Variants in VPS13B observed in about 807,000 individuals in gnomAD.
The protein encoded by VPS13B is vacuolar protein sorting 13 homolog B, also known as intermembrane lipid transfer protein VPS13B.
A neutral mutation model predicts 426.4 loss-of-function variants in VPS13B; 285 were observed. The observed-to-expected ratio is 0.67, with a 90% CI of 0.61 to 0.74. The LOEUF (loss-of-function observed/expected upper bound fraction) is 0.74, where lower values mean the gene tolerates loss of function less well. Ranked by LOEUF, VPS13B falls within the 30% of genes least tolerant of loss-of-function variation. The pLI, the probability that VPS13B is intolerant of heterozygous loss-of-function variation, is 0.00. For missense variants in VPS13B, 4,537 were observed against 4,782.6 expected, an observed-to-expected ratio of 0.95 and a Z score of 1.51; for synonymous variants, 1,676 against 1,676.4, an observed-to-expected ratio of 1.00 and a Z score of 0.01.
At chr8:99,781,287 C>T (rs1251559613) in intron 42 of VPS13B, among the ~76,000 whole-genome samples, 4 of 152,052 alleles carry the variant, frequency 2.6e-5, no homozygotes, top group Admixed American at 1.3e-4. Context: ...TGTCACTTTC[C>T]CAGATTTGGA....
intron 5 of VPS13B, among the ~76,000 whole-genome samples, chr8:99,108,690 T>C (rs912994518): frequency 1.3e-5 from 2 of 152,168 alleles, no homozygotes; most frequent in African/African-American, 2.4e-5. Context: ...GCTTTTAGTA[T>C]ATTTTAAAGT....
intron 17 of VPS13B, among the ~76,000 whole-genome samples, chr8:99,228,741 A>G (rs1816157327): frequency 6.6e-6 from 1 of 152,178 alleles, no homozygotes; most frequent in South Asian, 2.1e-4. Flanking sequence ...AATGCGAAGA[A>G]GGTACAGATT....
chr8:99,643,595 G>T (rs1026581664), intron 34 of VPS13B, among the ~76,000 whole-genome samples: 3 of 152,188 alleles, frequency 2.0e-5, no homozygotes, highest in African/African-American at 7.2e-5. Flanking sequence ...CCCCCAGGCT[G>T]CTTGCTGGCC....
chr8:99,297,476 C>G (rs1180493561), intron 19 of VPS13B, among the ~76,000 whole-genome samples: 1 of 152,092 alleles, frequency 6.6e-6, no homozygotes, highest in Non-Finnish European at 1.5e-5. Context: ...TCAACTAGGT[C>G]TAAGGGTTTG....
intron 33 of VPS13B, among the ~76,000 whole-genome samples, chr8:99,623,863 C>T (rs1828472665): frequency 6.6e-6 from 1 of 151,936 alleles, no homozygotes; most frequent in Admixed American, 6.6e-5. Flanking sequence ...ATACTCTCCA[C>T]ATGCAGAGAT....
intron 19 of VPS13B, among the ~76,000 whole-genome samples, chr8:99,333,419 A>G (rs1810650914): frequency 1.3e-5 from 2 of 151,816 alleles, no homozygotes; most frequent in East Asian, 3.9e-4. Flanking sequence ...CCTTAATGAT[A>G]ACATCTTACA....
chr8:99,045,353 T>A (rs1236292693), intron 3 of VPS13B, among the ~76,000 whole-genome samples: 1 of 152,246 alleles, frequency 6.6e-6, no homozygotes, highest in Non-Finnish European at 1.5e-5. Flanking sequence ...TGTATCTTCT[T>A]CTGAGAATTG....
At chr8:99,842,321 G>T (rs992188609) in intron 54 of VPS13B, among the ~76,000 whole-genome samples, 3 of 152,080 alleles carry the variant, frequency 2.0e-5, no homozygotes, top group South Asian at 4.1e-4. Flanking sequence ...TTCAAAAGTA[G>T]GGAGACTAGG....
chr8:99,229,807 A>C (rs1395338062), intron 17 of VPS13B, among the ~76,000 whole-genome samples: 1 of 152,210 alleles, frequency 6.6e-6, no homozygotes, highest in Non-Finnish European at 1.5e-5. Flanking sequence ...TTTGGATTTT[A>C]TTCAAATAGC....
chr8:99,119,215 CTT>C (rs915323627), intron 7 of VPS13B: 3 of 151,804 alleles, frequency 2.0e-5, no homozygotes, highest in African/African-American at 7.3e-5. Context: ...TTTTTTGTGT[CTT>C]TTAAAAATTT....
chr8:99,462,846 T>G (rs3134153), intron 23 of VPS13B, among the ~76,000 whole-genome samples: 2 of 151,982 alleles, frequency 1.3e-5, no homozygotes, highest in African/African-American at 4.8e-5. Flanking sequence ...TGTGAGAACA[T>G]GGCAAGAAGG....
chr8:99,315,872 T>C (rs1809624304), intron 19 of VPS13B, among the ~76,000 whole-genome samples: 1 of 152,200 alleles, frequency 6.6e-6, no homozygotes, highest in Non-Finnish European at 1.5e-5. Context: ...TTTCTTTGCC[T>C]TTTGTATGTG....
At chr8:99,804,042 A>G (rs1234921984) in intron 43 of VPS13B, 1 of 152,172 alleles carries the variant, frequency 6.6e-6, no homozygotes, top group Non-Finnish European at 1.5e-5. Context: ...GTGTTGAAAG[A>G]TCATTCAAAA....
intron 25 of VPS13B, among the ~76,000 whole-genome samples, chr8:99,485,824 C>CA (rs968578164): frequency 1.3e-5 from 2 of 152,044 alleles, no homozygotes; most frequent in Non-Finnish European, 2.9e-5. Context: ...TTAAAACAAA[C>CA]AAAAAAGTAT....
At chr8:99,461,591 A>T (rs1422733727) in intron 23 of VPS13B, among the ~76,000 whole-genome samples, 1 of 152,156 alleles carries the variant, frequency 6.6e-6, no homozygotes, top group East Asian at 1.9e-4. Flanking sequence ...CCTACTTAAC[A>T]GGCAACATTC....
chr8:99,658,524 T>G (rs1298521679), intron 34 of VPS13B, among the ~76,000 whole-genome samples: 2 of 151,780 alleles, frequency 1.3e-5, no homozygotes, highest in Non-Finnish European at 2.9e-5. Flanking sequence ...ATTATACAGA[T>G]TATTTATTTA....
At position 99,111,080 on chromosome 8, in the gene VPS13B, G is replaced by T; in HGVS notation, c.581-18G>T. 1 of 1,569,772 alleles carries T rather than the reference G, an allele frequency of 6.4e-7. No homozygotes were observed. Among genetic ancestry groups the T allele is most frequent in the Non-Finnish European group, 8.7e-7 (1 of 1,152,424 alleles). ...GCTAATTTTCCTTTTTACTTAAAAT[G>T]TTTTTTTTTCTTTTTAGCAACTGAT... is the stretch of plus-strand genomic sequence containing the variant. On this transcript the variant is annotated intron_variant, in intron 5 of 61. Coordinates refer to ENST00000357162, the MANE Select transcript of VPS13B (RefSeq NM_152564.5).
At chr8:99,418,135 G>A (rs898056009) in intron 21 of VPS13B, among the ~76,000 whole-genome samples, 8 of 152,076 alleles carry the variant, frequency 5.3e-5, no homozygotes, top group Non-Finnish European at 1.2e-4. Flanking sequence ...GACTGGGATT[G>A]TGTTTGTTTT....
intron 17 of VPS13B, among the ~76,000 whole-genome samples, chr8:99,249,829 C>G (rs1434610895): frequency 6.6e-6 from 1 of 152,112 alleles, no homozygotes; most frequent in African/African-American, 2.4e-5. Flanking sequence ...TTCCTTGAGC[C>G]CAGGAGTTTG....
Sources: gnomAD v4.1 joint callset for allele counts (sites outside exome capture counted in the v4.1 genomes callset) on GRCh38, gnomAD v4.1.1 for gene constraint, MANE v1.5 for transcripts, NCBI Gene and HGNC (gene_info 2026-07-23, HGNC 2026-07-21) for gene names.